Variants in GABRA1 observed in about 807,000 individuals in gnomAD.
The protein encoded by GABRA1 is gamma-aminobutyric acid receptor subunit alpha-1.
A neutral mutation model predicts 48.9 loss-of-function variants in GABRA1; 9 were observed. The observed-to-expected ratio is 0.18, with a 90% CI of 0.11 to 0.32. The LOEUF (loss-of-function observed/expected upper bound fraction) is 0.32. Ranked by LOEUF, GABRA1 falls within the 10% of genes least tolerant of loss-of-function variation. The probability of loss-of-function intolerance (pLI) is 1.00; values close to 1 mark genes in which losing one functional copy is unlikely to be tolerated. For synonymous variants in GABRA1, 210 were observed against 198.7 expected, an observed-to-expected ratio of 1.06 and a Z score of -0.48; for missense variants, 285 against 553.8, an observed-to-expected ratio of 0.51 and a Z score of 4.87.
At chr5:161,876,992 T>G (rs1221379840) in intron 6 of GABRA1, among the ~76,000 whole-genome samples, 2 of 152,164 alleles carry the variant, frequency 1.3e-5, no homozygotes, top group East Asian at 3.9e-4. Flanking sequence ...TGGAGTCCAG[T>G]GGCACAATCA....
chr5:161,871,005 A>C (rs879427916), intron 4 of GABRA1, among the ~76,000 whole-genome samples: 33 of 144,770 alleles, frequency 2.3e-4, no homozygotes, highest in Non-Finnish European at 4.8e-4. Flanking sequence ...TGACTGGTAC[A>C]GTATTTGAAG....
At chr5:161,882,860 T>C (rs1211454053) in intron 7 of GABRA1, among the ~76,000 whole-genome samples, 159 bp downstream of exon 7, 1 of 152,218 alleles carries the variant, frequency 6.6e-6, no homozygotes, top group Non-Finnish European at 1.5e-5. Context: ...GGTAGACCTG[T>C]GACCTTGGAC....
At chr5:161,890,848 C>CT in intron 7 of GABRA1, 50 bp from the exon 8 acceptor site, 8 of 1,569,422 alleles carry the variant, frequency 5.1e-6, no homozygotes, top group Non-Finnish European at 7.0e-6. Context: ...CAGAGATTAC[C>CT]TTTTTCTAAA....
At chr5:161,860,490 G>T (rs929620480) in intron 3 of GABRA1, among the ~76,000 whole-genome samples, 1 of 151,458 alleles carries the variant, frequency 6.6e-6, no homozygotes, top group Non-Finnish European at 1.5e-5. Context: ...TAGGGTAATG[G>T]GGGGAGGGAG....
intron 5 of GABRA1, among the ~76,000 whole-genome samples, chr5:161,875,308 A>G (rs1057095991): frequency 6.6e-6 from 1 of 152,184 alleles, no homozygotes; most frequent in African/African-American, 2.4e-5. Flanking sequence ...TTTGGAAAAT[A>G]TTAACAAGGC....
chr5:161,865,749 C>T lies in GABRA1; in HGVS notation c.216C>T (p.Ile72=), dbSNP rs200716712. Reference sequence around the variant, plus strand: ...GTGTAACCGAAGTGAAGACTGATATCTTCGTCACCAGTTTCGGACCCGTTT... The same window carrying T: ...GTGTAACCGAAGTGAAGACTGATATTTTCGTCACCAGTTTCGGACCCGTTT... ...GERVTEVKTD[I]FVTSFGPVSD... Residue 72 remains isoleucine (I), a synonymous_variant, in exon 4 of 10, where the codon ATC becomes ATT. Coordinates refer to ENST00000393943, the MANE Select transcript of GABRA1 (RefSeq NM_001127644.2). 1.9e-5 allele frequency: 30 copies of T among 1,613,032 alleles called. No individual in the cohort carries two copies. The highest frequency in any genetic ancestry group is 2.7e-5 in the African/African-American group (2 of 74,966).
intron 3 of GABRA1, among the ~76,000 whole-genome samples, chr5:161,856,725 G>T (rs997362955): frequency 1.3e-5 from 2 of 150,622 alleles, no homozygotes; most frequent in African/African-American, 4.9e-5. Flanking sequence ...GAATAAAATG[G>T]CACATGTTTA....
At chr5:161,870,551 A>G (rs1313108882) in intron 4 of GABRA1, among the ~76,000 whole-genome samples, 2 of 151,264 alleles carry the variant, frequency 1.3e-5, no homozygotes, top group African/African-American at 4.9e-5. Context: ...TGGGCAACAA[A>G]GAGTGAAACT....
chr5:161,883,159 T>C (rs1754689971), intron 7 of GABRA1, among the ~76,000 whole-genome samples: 1 of 152,184 alleles, frequency 6.6e-6, no homozygotes, highest in Non-Finnish European at 1.5e-5. Flanking sequence ...TTACCATTAG[T>C]TAATGAATTT....
chr5:161,865,887 G>T, intron 4 of GABRA1, 99 bp downstream of exon 4: 3 of 926,674 alleles, frequency 3.2e-6, no homozygotes, highest in Non-Finnish European at 3.6e-6. Flanking sequence ...AACCTGAAAA[G>T]TCTTGGCTAT....
chr5:161,898,549 C>T lies in GABRA1; in HGVS notation c.*1127C>T, dbSNP rs919660134. ...AATGCTATGGAAATACATTTAGAAC[C>T]TGCATTTAAGAACAGAACAGCAAGT... On this transcript the variant is annotated 3_prime_UTR_variant, in exon 10 of 10. Coordinates refer to ENST00000393943, the MANE Select transcript of GABRA1 (RefSeq NM_001127644.2). 6.6e-6 allele frequency: 1 copy of T among 152,172 alleles called. No individual in the cohort carries two copies. The highest frequency in any genetic ancestry group is 1.5e-5 in the Non-Finnish European group (1 of 67,970). The allele number at this position is 152,172 out of a possible 1,614,324, so 9.4% of individuals were successfully genotyped here.
In GABRA1 at chr5:161,899,232, G is replaced by A. The variant is rs1459084683; in HGVS notation, c.*1810G>A. Reference sequence around the variant, plus strand: ...CAAAAAGCTGCTATCCAATGATATAGGAAAATACATTGTGTTTTCCTAAAC... The same window carrying A: ...CAAAAAGCTGCTATCCAATGATATAAGAAAATACATTGTGTTTTCCTAAAC... On this transcript the variant is annotated 3_prime_UTR_variant, in exon 10 of 10. Transcript: ENST00000393943. The A allele has an allele frequency of 1.3e-5, 2 of 152,434 alleles. No homozygotes were observed. Among genetic ancestry groups the A allele is most frequent in the Admixed American group, 1.3e-4 (2 of 15,262 alleles). The allele number at this position is 152,434 out of a possible 1,614,324, so 9.4% of individuals were successfully genotyped here.
rs1023408948 is a variant in GABRA1 at position 161,848,395 on chromosome 5, G to T, written c.-43G>T. 1 of 152,578 alleles carries T rather than the reference G, an allele frequency of 6.6e-6. No individual in the cohort carries two copies. The highest frequency in any genetic ancestry group is 2.4e-5 in the African/African-American group (1 of 41,292). The allele number at this position is 152,578 out of a possible 1,614,324, so 9.5% of individuals were successfully genotyped here. A position where few individuals can be genotyped will look rare whatever the true frequency, so the allele number is the denominator to read the frequency against. On this transcript the variant is annotated 5_prime_UTR_variant, in exon 1 of 10. Transcript: ENST00000393943. ...CTCCCAGACTTTTCCCCGGTCTTAA[G>T]AGATCCTGTGTCCAGAGGGGGCCTT...
chr5:161,869,512 G>A (rs1001083678), intron 4 of GABRA1, among the ~76,000 whole-genome samples: 1 of 152,078 alleles, frequency 6.6e-6, no homozygotes, highest in Non-Finnish European at 1.5e-5. Flanking sequence ...CCATTAATTG[G>A]CAATCAAACA....
intron 5 of GABRA1, 120 bp downstream of exon 5, chr5:161,873,457 A>T (rs1421913753): frequency 2.4e-6 from 2 of 827,712 alleles, no homozygotes; most frequent in East Asian, 5.3e-5. Context: ...TTCAACCTTA[A>T]CAATCTTAAA....
chr5:161,886,563 A>G (rs922872019), intron 7 of GABRA1, among the ~76,000 whole-genome samples: 1 of 151,958 alleles, frequency 6.6e-6, no homozygotes, highest in African/African-American at 2.4e-5. Context: ...ATCACTTGAG[A>G]CCAGGTGTTC....
intron 5 of GABRA1, 91 bp from the exon 6 acceptor site, chr5:161,875,469 A>G: frequency 3.0e-6 from 3 of 1,000,322 alleles, no homozygotes; most frequent in Non-Finnish European, 1.6e-6. Flanking sequence ...CTTTGTTAAT[A>G]TATTTGCTAC....
rs1755514356 is a variant in GABRA1 at position 161,899,352 on chromosome 5, C to A, written c.*1930C>A. 6.6e-6 allele frequency: 1 copy of A among 152,646 alleles called. No individual in the cohort carries two copies. The highest frequency in any genetic ancestry group is 2.1e-4 in the South Asian group (1 of 4,822). 9.5% of individuals were successfully genotyped at this position (152,646 alleles called of 1,614,324 possible). On this transcript the variant is annotated 3_prime_UTR_variant, in exon 10 of 10. Coordinates refer to ENST00000393943, the MANE Select transcript of GABRA1 (RefSeq NM_001127644.2). ...GAAGGCTGAATCAAAGACATTTCAT[C>A]CACCAATATCATGTGTAGATATTAT...
At chr5:161,882,886 T>C (rs1374316817) in intron 7 of GABRA1, among the ~76,000 whole-genome samples, 185 bp downstream of exon 7, 1 of 152,178 alleles carries the variant, frequency 6.6e-6, no homozygotes, top group Non-Finnish European at 1.5e-5. Flanking sequence ...ATTTAATGCC[T>C]CTTGGCCTCT....
Sources: allele counts gnomAD v4.1 joint callset (sites outside exome capture counted in the v4.1 genomes callset), GRCh38; gene constraint gnomAD v4.1.1; transcripts MANE v1.5; gene names NCBI Gene and HGNC (gene_info 2026-07-23, HGNC 2026-07-21).